Variants in CSMD1 observed in about 807,000 individuals in gnomAD.
CSMD1 encodes CUB and sushi domain-containing protein 1.
In CSMD1, 213 loss-of-function variants were observed where a neutral mutation model predicts 417.5. The ratio of observed to expected loss-of-function variants is 0.51; its 90% confidence interval spans 0.46 to 0.57. CSMD1 has a LOEUF of 0.57. CSMD1 is among the 20% of genes least tolerant of loss of function. The probability of loss-of-function intolerance (pLI) is 0.00; values close to 1 mark genes in which losing one functional copy is unlikely to be tolerated. For missense variants in CSMD1, 6,923 were observed against 4,529.7 expected, an observed-to-expected ratio of 1.53 and a Z score of -15.17; for synonymous variants, 2,862 against 1,736.8, an observed-to-expected ratio of 1.65 and a Z score of -16.11.
chr8:4,657,619 T>C (rs1047121041), intron 1 of CSMD1, among the ~76,000 whole-genome samples: 1 of 151,816 alleles, frequency 6.6e-6, no homozygotes, highest in Non-Finnish European at 1.5e-5. Flanking sequence ...ATAAATAAAA[T>C]TAATTTGCAC....
intron 3 of CSMD1, among the ~76,000 whole-genome samples, chr8:4,409,909 G>A (rs534982832): frequency 1.3e-5 from 2 of 151,566 alleles, no homozygotes; most frequent in Admixed American, 6.6e-5. Context: ...CGCCTCCTGG[G>A]TTCAAATGAT....
chr8:4,125,244 C>G (rs1356727047), intron 3 of CSMD1, among the ~76,000 whole-genome samples: 2 of 152,182 alleles, frequency 1.3e-5, no homozygotes, highest in African/African-American at 2.4e-5. Context: ...CAACCTGCCT[C>G]CCATTCTATT....
At chr8:4,223,597 G>T (rs2128809625) in intron 3 of CSMD1, among the ~76,000 whole-genome samples, 1 of 152,352 alleles carries the variant, frequency 6.6e-6, no homozygotes, top group African/African-American at 2.4e-5. Context: ...ATCAAAGCAG[G>T]TTGATTGACC....
intron 33 of CSMD1, among the ~76,000 whole-genome samples, chr8:3,190,971 A>G (rs1054167243): frequency 5.3e-5 from 8 of 152,234 alleles, no homozygotes; most frequent in African/African-American, 1.9e-4. Flanking sequence ...GCTGGGGAAC[A>G]GGAAAATGGG....
intron 3 of CSMD1, among the ~76,000 whole-genome samples, chr8:4,297,744 C>T (rs1050867134): frequency 6.6e-6 from 1 of 152,088 alleles, no homozygotes; most frequent in Non-Finnish European, 1.5e-5. Flanking sequence ...AATGGCACCA[C>T]TAACGATTAA....
chr8:3,284,056 G>A, intron 26 of CSMD1, 88 bp downstream of exon 26: 1 of 1,080,148 alleles, frequency 9.3e-7, no homozygotes, highest in South Asian at 1.4e-5. Context: ...TGTGTAAGGA[G>A]ACGCTGGTGA....
chr8:4,650,763 C>G (rs1025220658), intron 1 of CSMD1, among the ~76,000 whole-genome samples: 12 of 152,014 alleles, frequency 7.9e-5, no homozygotes, highest in African/African-American at 2.7e-4. Context: ...CCTATTTAAG[C>G]ATGGTTATTC....
intron 3 of CSMD1, among the ~76,000 whole-genome samples, chr8:4,052,736 G>C (rs1288954483): frequency 6.6e-6 from 1 of 151,550 alleles, no homozygotes; most frequent in African/African-American, 2.4e-5. Context: ...ATCACCACAT[G>C]ATAAAAGAAC....
rs561519490 is a variant in CSMD1 at position 3,819,835 on chromosome 8, G to A, written c.819-65793C>T. Among the ~76,000 whole-genome samples the A allele has an allele frequency of 6.6e-5, 10 of 152,184 alleles. No individual in the cohort carries two copies. In the South Asian group the frequency reaches 1.5e-3, roughly 22 times the overall value. ...ACTGAGATTACAGGCGTGACCCATC[G>A]CACCTGGCCTGAAAGTGATTTTGCA... is the stretch of plus-strand genomic sequence containing the variant. On this transcript the variant is annotated intron_variant, in intron 5 of 69. Coordinates refer to ENST00000635120, the MANE Select transcript of CSMD1 (RefSeq NM_033225.6).
intron 12 of CSMD1, among the ~76,000 whole-genome samples, chr8:3,442,989 T>C (rs1355195639): frequency 6.6e-6 from 1 of 152,216 alleles, no homozygotes; most frequent in Non-Finnish European, 1.5e-5. Context: ...ATTAAAATTG[T>C]CCTCTTTCTA....
chr8:4,881,460 T>TATCTATCTATC (rs138999962), intron 1 of CSMD1, among the ~76,000 whole-genome samples: 1,328 of 104,120 alleles, frequency 0.013, 7 homozygotes, highest in Middle Eastern at 0.021. Context: ...TCTATCTATC[T>TATCTATCTATC]ATCTTGTCTC....
At chr8:4,377,451 T>C (rs1166671095) in intron 3 of CSMD1, among the ~76,000 whole-genome samples, 2 of 152,180 alleles carry the variant, frequency 1.3e-5, no homozygotes, top group African/African-American at 2.4e-5. Context: ...ATTGATTTTT[T>C]CCCCCTTAAA....
At chr8:3,330,277 C>T (rs556946011) in intron 23 of CSMD1, among the ~76,000 whole-genome samples, 2 of 152,096 alleles carry the variant, frequency 1.3e-5, no homozygotes, top group African/African-American at 4.8e-5. Context: ...ACTGTTCTAC[C>T]ATAAAGACAT....
intron 5 of CSMD1, among the ~76,000 whole-genome samples, chr8:3,817,292 T>TTTTTTTTTTTTTTTTTA (rs1563109891): frequency 3.2e-5 from 3 of 93,548 alleles, no homozygotes; most frequent in African/African-American, 1.1e-4. Context: ...TTTTTTTTTT[T>TTTTTTTTTTTTTTTTTA]TTTTTTGAGA....
intron 50 of CSMD1, among the ~76,000 whole-genome samples, chr8:3,038,788 C>A (rs193124028): frequency 1.3e-5 from 2 of 152,046 alleles, no homozygotes; most frequent in Non-Finnish European, 2.9e-5. Flanking sequence ...CATACTCAAG[C>A]GTAATTTGTT....
At chr8:4,323,371 C>T (rs1799377854) in intron 3 of CSMD1, among the ~76,000 whole-genome samples, 1 of 152,240 alleles carries the variant, frequency 6.6e-6, no homozygotes, top group South Asian at 2.1e-4. Flanking sequence ...ATGTTCTTTC[C>T]TGTACAGCAT....
intron 69 of CSMD1, among the ~76,000 whole-genome samples, chr8:2,938,952 A>G (rs985297566): frequency 1.3e-5 from 2 of 152,148 alleles, no homozygotes; most frequent in African/African-American, 4.8e-5. Context: ...TAAAAAGTGA[A>G]TCGATTTCAA....
At chr8:3,581,885 A>G (rs568195970) in intron 9 of CSMD1, among the ~76,000 whole-genome samples, 2 of 152,196 alleles carry the variant, frequency 1.3e-5, no homozygotes, top group East Asian at 3.9e-4. Context: ...GCTTACTGCA[A>G]CCGCCACCTT....
At chr8:4,083,974 A>C (rs140102740) in intron 3 of CSMD1, among the ~76,000 whole-genome samples, 1 of 152,208 alleles carries the variant, frequency 6.6e-6, no homozygotes, top group Admixed American at 6.5e-5. Flanking sequence ...CAGAATCTAC[A>C]ATGAACTCAA....
Sources: allele counts gnomAD v4.1 joint callset (sites outside exome capture counted in the v4.1 genomes callset), GRCh38; gene constraint gnomAD v4.1.1; transcripts MANE v1.5; gene names NCBI Gene and HGNC (gene_info 2026-07-23, HGNC 2026-07-21).